The following OLFML2A variants were observed in gnomAD, a reference collection of about 807,000 sequenced individuals.
OLFML2A encodes olfactomedin like 2A.
In OLFML2A, 47 loss-of-function variants were observed where a neutral mutation model predicts 60.9. The observed-to-expected ratio is 0.77, with a 90% CI of 0.61 to 0.98. OLFML2A has a LOEUF of 0.98. Ranked by LOEUF, OLFML2A falls within the 50% of genes least tolerant of loss-of-function variation. OLFML2A has a pLI of 0.00. For synonymous variants in OLFML2A, 372 were observed against 375.0 expected, an observed-to-expected ratio of 0.99 and a Z score of 0.09; for missense variants, 922 against 879.8, an observed-to-expected ratio of 1.05 and a Z score of -0.61.
intron 3 of OLFML2A, 91 bp downstream of exon 3, chr9:124,795,222 C>T (rs1841647888): frequency 1.5e-6 from 1 of 675,586 alleles, no homozygotes; most frequent in Non-Finnish European, 2.6e-6. Flanking sequence ...CCAGGCTTCA[C>T]CCTGGTGACC....
At position 124,803,948 on chromosome 9, in the gene OLFML2A, C is replaced by T. The variant is rs1374257678; in HGVS notation, c.920-146C>T. On this transcript the variant is annotated intron_variant, in intron 5 of 7. Transcript: ENST00000373580. ...CTGCCTCCCATTTGGAGACCTTTCA[C>T]CCCCCTCCAGGTGTGAGGAGGCCCT... The T allele has an allele frequency of 5.9e-6, 5 of 842,450 alleles. No individual in the cohort carries two copies. In the East Asian group the frequency reaches 8.1e-5, roughly 14 times the overall value. 52.2% of individuals were successfully genotyped at this position (842,450 alleles called of 1,614,324 possible).
intron 5 of OLFML2A, 21 bp downstream of exon 5, chr9:124,801,684 G>C: frequency 6.2e-7 from 1 of 1,608,018 alleles, no homozygotes; most frequent in Non-Finnish European, 8.5e-7. Context: ...GGGGAATGGG[G>C]ACCCTGGGGA....
chr9:124,788,301 C>CAA (rs138993596), intron 2 of OLFML2A, among the ~76,000 whole-genome samples: 91 of 142,362 alleles, frequency 6.4e-4, no homozygotes, highest in East Asian at 1.5e-3. Flanking sequence ...GACTCGGTCT[C>CAA]AAAAAAAAAA....
chr9:124,784,576 T>C (rs1841423270), intron 1 of OLFML2A, among the ~76,000 whole-genome samples: 2 of 152,366 alleles, frequency 1.3e-5, no homozygotes, highest in South Asian at 4.1e-4. Flanking sequence ...CCATAATTTT[T>C]ATTATCATAG....
At chr9:124,794,600 G>A (rs888170179) in intron 2 of OLFML2A, among the ~76,000 whole-genome samples, 1 of 152,088 alleles carries the variant, frequency 6.6e-6, no homozygotes, top group African/African-American at 2.4e-5. Context: ...GGGTTGTGGA[G>A]TTCTTTTTAA....
chr9:124,800,749 C>T (rs1212216935), intron 4 of OLFML2A: 5 of 1,012,750 alleles, frequency 4.9e-6, no homozygotes, highest in Non-Finnish European at 6.5e-6. Flanking sequence ...CTGTACTTGC[C>T]GTATCTGCTG....
At position 124,810,086 on chromosome 9, in the gene OLFML2A, C is replaced by T; in HGVS notation, c.1633C>T (p.Pro545Ser). ...CGTGGACGACCGCGATGAGGCCCAG[C>T]CCGAGGTGATCGTCCTGAGTCGCTT... Reference protein sequence around the residue: ...PAVDDRDEAQPEVIVLSRLDP... With the variant: ...PAVDDRDEAQSEVIVLSRLDP... The change falls in exon 8 of 8, where the codon CCC becomes TCC. Residue 545 changes from proline (P) to serine (S), a missense_variant. Pro to Ser is a moderately conservative substitution (Grantham distance 74). Transcript: ENST00000373580. 6.2e-7 allele frequency: 1 copy of T among 1,613,784 alleles called. No individual in the cohort carries two copies. The highest frequency in any genetic ancestry group is 8.5e-7 in the Non-Finnish European group (1 of 1,180,006).
At chr9:124,784,943 GTTTTTTTTTTTTTTT>G (rs750733365) in intron 1 of OLFML2A, among the ~76,000 whole-genome samples, 1 of 69,592 alleles carries the variant, frequency 1.4e-5, no homozygotes, top group Admixed American at 2.0e-4. Context: ...CCTTTTACTT[GTTTTTTTTTTTTTTT>G]TTTTTTTTTT....
In OLFML2A at chr9:124,810,271, G is replaced by A. The variant is rs35972823; in HGVS notation, c.1818G>A (p.Thr606=). The A allele has an allele frequency of 4.4e-3, 7,062 of 1,611,082 alleles. 294 individuals carry two copies. The African/African-American group carries it at 0.085, about 19-fold the overall frequency. ...TCGCCTACGCTTTCGACACGCACACGGGCACCGACGCACGCCCCCAGCTGC... is the reference window on the plus strand; with the variant it reads ...TCGCCTACGCTTTCGACACGCACACAGGCACCGACGCACGCCCCCAGCTGC... ...GQVAYAFDTH[T]GTDARPQLPF... is the part of the protein sequence containing the mutation. Residue 606 remains threonine (T), a synonymous_variant, in exon 8 of 8, where the codon ACG becomes ACA. Transcript: ENST00000373580.
intron 2 of OLFML2A, among the ~76,000 whole-genome samples, chr9:124,789,495 A>C (rs1418554076): frequency 6.6e-6 from 1 of 152,228 alleles, no homozygotes; most frequent in Non-Finnish European, 1.5e-5. Flanking sequence ...ATGTATAATA[A>C]GGTGTGTTAC....
At position 124,780,078 on chromosome 9, in the gene OLFML2A, C is replaced by T. The variant is rs536033986; in HGVS notation, c.90+2718C>T. ...ATTTCATGTTTATAACTAGGTCTCT[C>T]CTAAACTGGATTTTGAGTTTCCATC... On this transcript the variant is annotated intron_variant, in intron 1 of 7. Transcript: ENST00000373580. Among the ~76,000 whole-genome samples, 8 of 152,322 alleles carry T rather than the reference C, an allele frequency of 5.3e-5. No homozygotes were observed. In the South Asian group the frequency reaches 1.0e-3, roughly 20 times the overall value.
chr9:124,798,575 TG>T (rs1043396152), intron 3 of OLFML2A, among the ~76,000 whole-genome samples: 5 of 151,738 alleles, frequency 3.3e-5, no homozygotes, highest in African/African-American at 1.2e-4. Flanking sequence ...GGCTCACACC[TG>T]TAATCCCAGC....
rs777845895 is a variant in OLFML2A, at chr9:124,809,861, G to A, written c.1408G>A (p.Val470Met). 2.7e-5 allele frequency: 43 copies of A among 1,614,016 alleles called. No individual in the cohort carries two copies. The Admixed American group carries it at 6.5e-4, about 24-fold the overall frequency. The change falls in exon 8 of 8, where the codon GTG (valine) becomes ATG (methionine). Residue 470 changes from valine (V) to methionine (M), a missense_variant. Val to Met is a conservative substitution (Grantham distance 21). Transcript: ENST00000373580. The part of the protein sequence containing the change: ...LPYNWIGTGH[V>M]VYQGAFYYNR... ...CTACAACTGGATCGGCACAGGCCACGTGGTGTACCAGGGCGCCTTCTACTA... is the reference window on the plus strand; with the variant it reads ...CTACAACTGGATCGGCACAGGCCACATGGTGTACCAGGGCGCCTTCTACTA...
At chr9:124,803,145 G>C (rs1474733723) in intron 5 of OLFML2A, among the ~76,000 whole-genome samples, 1 of 152,164 alleles carries the variant, frequency 6.6e-6, no homozygotes, top group East Asian at 1.9e-4. Flanking sequence ...CTGACCTCAG[G>C]TGATCCATCC....
In OLFML2A at chr9:124,810,034, G is replaced by C. The variant is rs1295438212; in HGVS notation, c.1581G>C (p.Glu527Asp). The C allele has an allele frequency of 6.2e-7, 1 of 1,613,904 alleles. No homozygotes were observed. Among genetic ancestry groups the C allele is most frequent in the African/African-American group, 1.3e-5 (1 of 74,934 alleles). Residue 527 changes from glutamate to aspartate, a missense_variant, in exon 8 of 8, where the codon GAG becomes GAC. By Grantham distance (45) the Glu-to-Asp change is conservative. Transcript: ENST00000373580. ...CGGACATTGACTTTGCCGTGGACGAGAGCGGCCTGTGGGTCATCTACCCCG... is the reference window on the plus strand; with the variant it reads ...CGGACATTGACTTTGCCGTGGACGACAGCGGCCTGTGGGTCATCTACCCCG... ...GHSDIDFAVDESGLWVIYPAV... is the reference protein window; with the variant it reads ...GHSDIDFAVDDSGLWVIYPAV...
At chr9:124,796,308 T>C (rs1021465324) in intron 3 of OLFML2A, among the ~76,000 whole-genome samples, 9 of 152,220 alleles carry the variant, frequency 5.9e-5, no homozygotes, top group African/African-American at 2.2e-4. Flanking sequence ...TGTGTCCCAG[T>C]ATTTCCTGTG....
At chr9:124,778,967 G>A in intron 1 of OLFML2A, 1 of 985,182 alleles carries the variant, frequency 1.0e-6, no homozygotes, top group Non-Finnish European at 1.2e-6. Context: ...ACAGATAAAA[G>A]ACAGAAGCCA....
chr9:124,777,260 C>T lies in OLFML2A; in HGVS notation c.-11C>T, dbSNP rs1362721057. ...TGCCCGGCCGCCTGTGCCTACCGTG[C>T]CCGTGGCGCCATGGCCGCTGCCGCC... On this transcript the variant is annotated 5_prime_UTR_variant, in exon 1 of 8. Coordinates refer to ENST00000373580, the MANE Select transcript of OLFML2A (RefSeq NM_182487.4). The surrounding 1 kb of genome is among the most constrained non-coding windows in gnomAD (Gnocchi z 6.2). 3 of 1,104,230 alleles carry T rather than the reference C, an allele frequency of 2.7e-6. No homozygotes were observed. Among genetic ancestry groups the T allele is most frequent in the South Asian group, 7.2e-5 (2 of 27,688 alleles). 68.4% of individuals were successfully genotyped at this position (1,104,230 alleles called of 1,614,324 possible). A position where few individuals can be genotyped will look rare whatever the true frequency, so the allele number is the denominator to read the frequency against.
At chr9:124,785,502 A>G (rs945475279) in intron 1 of OLFML2A, among the ~76,000 whole-genome samples, 4 of 137,084 alleles carry the variant, frequency 2.9e-5, no homozygotes, top group African/African-American at 1.1e-4. Context: ...GGTTCATGCC[A>G]TTCTCCTGCC....
Sources: gnomAD v4.1 joint callset for allele counts (sites outside exome capture counted in the v4.1 genomes callset) on GRCh38, gnomAD v4.1.1 for gene constraint, Gnocchi (gnomAD v3.1) non-coding constraint, MANE v1.5 for transcripts, NCBI Gene and HGNC (gene_info 2026-07-23, HGNC 2026-07-21) for gene names.